Variants in STPG2 observed in about 807,000 individuals in gnomAD.
The protein encoded by STPG2 is sperm-tail PG-rich repeat-containing protein 2.
STPG2 carries 56 observed loss-of-function variants against 54.2 expected under a neutral mutation model. That is an observed-to-expected ratio of 1.03 (90% CI 0.83 to 1.29). The LOEUF is 1.29. STPG2 is among the 50% of genes most tolerant of loss of function. The probability of loss-of-function intolerance (pLI) is 0.00; values close to 1 mark genes in which losing one functional copy is unlikely to be tolerated. For missense variants in STPG2, 596 were observed against 544.9 expected (o/e 1.09, Z -0.93); for synonymous variants, 200 against 181.8 (o/e 1.10, Z -0.81).
At chr4:98,129,537 G>T (rs1024701760) in intron 2 of STPG2, among the ~76,000 whole-genome samples, 1 of 151,944 alleles carries the variant, frequency 6.6e-6, no homozygotes, top group Non-Finnish European at 1.5e-5. Context: ...AATACCAAAA[G>T]AAGCTATACA....
chr4:97,849,748 A>G (rs1729090623), intron 8 of STPG2, among the ~76,000 whole-genome samples: 1 of 151,164 alleles, frequency 6.6e-6, no homozygotes, highest in Non-Finnish European at 1.5e-5. Flanking sequence ...TTAGAATGGC[A>G]AGCATTAAAA....
At chr4:98,118,358 T>G (rs28852677) in intron 3 of STPG2, among the ~76,000 whole-genome samples, 60,018 of 151,880 alleles carry the variant, frequency 0.4, 12,097 homozygotes, top group Middle Eastern at 0.46. Flanking sequence ...CTCTTTTTTT[T>G]GCAGTGATAG....
downstream of STPG2, among the ~76,000 whole-genome samples, chr4:97,555,632 A>G (rs1367502925): frequency 6.6e-6 from 1 of 152,170 alleles, no homozygotes. Flanking sequence ...TTGTGCTACC[A>G]TAAGAGTAAG....
intron 10 of STPG2, among the ~76,000 whole-genome samples, chr4:97,654,828 A>G (rs1303111878): frequency 1.3e-5 from 2 of 152,070 alleles, no homozygotes; most frequent in Admixed American, 6.6e-5. Flanking sequence ...AACAATAATC[A>G]AATGATGTGG....
chr4:97,705,001 T>C (rs1723895846), intron 10 of STPG2, among the ~76,000 whole-genome samples: 1 of 152,194 alleles, frequency 6.6e-6, no homozygotes, highest in African/African-American at 2.4e-5. Flanking sequence ...GCTTGATTTG[T>C]ATTAATATAT....
chr4:97,854,119 C>T (rs1429097676), intron 8 of STPG2, among the ~76,000 whole-genome samples: 1 of 152,128 alleles, frequency 6.6e-6, no homozygotes, highest in Non-Finnish European at 1.5e-5. Context: ...AGCCACTATT[C>T]TTAAATGATA....
chr4:98,082,191 C>G (rs1244545772), intron 5 of STPG2, among the ~76,000 whole-genome samples: 1 of 151,986 alleles, frequency 6.6e-6, no homozygotes, highest in East Asian at 1.9e-4. Flanking sequence ...AAACCACTTC[C>G]TACATTAAGA....
At chr4:97,489,201 C>T (rs1730444477) in intron 4 of STPG2, among the ~76,000 whole-genome samples, 2 of 151,844 alleles carry the variant, frequency 1.3e-5, no homozygotes, top group African/African-American at 2.4e-5. Flanking sequence ...TGTGAGGCCT[C>T]CACACCCATT....
intron 9 of STPG2, among the ~76,000 whole-genome samples, chr4:97,761,321 A>T (rs1338399911): frequency 2.6e-5 from 4 of 152,158 alleles, no homozygotes; most frequent in Admixed American, 2.6e-4. Flanking sequence ...ATAAAAGAAG[A>T]CACAGAGAAA....
intron 5 of STPG2, among the ~76,000 whole-genome samples, chr4:98,076,783 A>G (rs546154295): frequency 6.6e-6 from 1 of 152,184 alleles, no homozygotes; most frequent in Non-Finnish European, 1.5e-5. Context: ...CAACTTCACT[A>G]TATGTTTAAA....
intron 10 of STPG2, among the ~76,000 whole-genome samples, chr4:97,623,154 T>TA (rs1169986030): frequency 3.9e-5 from 6 of 151,940 alleles, no homozygotes; most frequent in Admixed American, 3.9e-4. Flanking sequence ...CCTAAAACTA[T>TA]AAAAACTCTG....
At chr4:97,645,962 AAC>A (rs1029382611) in intron 10 of STPG2, among the ~76,000 whole-genome samples, 5 of 152,072 alleles carry the variant, frequency 3.3e-5, no homozygotes, top group African/African-American at 1.2e-4. Context: ...CTCTGACACA[AAC>A]ACACTCCTTG....
intron 8 of STPG2, among the ~76,000 whole-genome samples, chr4:97,885,169 C>T (rs942441939): frequency 6.8e-6 from 1 of 147,820 alleles, no homozygotes; most frequent in Non-Finnish European, 1.5e-5. Flanking sequence ...TTAGAAGACT[C>T]CAGTCAGTGA....
At chr4:97,688,328 T>G (rs1021882369) in intron 10 of STPG2, among the ~76,000 whole-genome samples, 3 of 152,084 alleles carry the variant, frequency 2.0e-5, no homozygotes, top group Non-Finnish European at 2.9e-5. Context: ...AAGAAAACAA[T>G]TCAGAGTTTT....
At chr4:98,114,655 C>T (rs1468164101) in intron 3 of STPG2, among the ~76,000 whole-genome samples, 2 of 151,770 alleles carry the variant, frequency 1.3e-5, no homozygotes, top group Admixed American at 6.6e-5. Context: ...TTTTATGATT[C>T]AATTGTTTCA....
intron 8 of STPG2, among the ~76,000 whole-genome samples, chr4:97,898,673 C>A (rs1731053040): frequency 6.6e-6 from 1 of 151,404 alleles, no homozygotes; most frequent in Admixed American, 6.6e-5. Context: ...CACTGCCTAC[C>A]ATATAATTTA....
chr4:98,024,332 T>C (rs2149294405), intron 5 of STPG2, among the ~76,000 whole-genome samples: 2 of 152,346 alleles, frequency 1.3e-5, no homozygotes, highest in Admixed American at 1.3e-4. Context: ...CTGCTGATTA[T>C]CAAATGTTTT....
intron 1 of STPG2, among the ~76,000 whole-genome samples, chr4:98,138,356 A>G (rs1386345504): frequency 6.6e-6 from 1 of 152,090 alleles, no homozygotes; most frequent in African/African-American, 2.4e-5. Context: ...GAAGAAATTA[A>G]GTGTATAGAA....
At chr4:97,849,404 G>A (rs575009924) in intron 8 of STPG2, among the ~76,000 whole-genome samples, 416 of 151,990 alleles carry the variant, frequency 2.7e-3, no homozygotes, top group African/African-American at 9.5e-3. Context: ...GGCAACAAAA[G>A]CCAAAATTGA....
Sources: gnomAD v4.1 joint callset for allele counts (sites outside exome capture counted in the v4.1 genomes callset) on GRCh38, gnomAD v4.1.1 for gene constraint, MANE v1.5 for transcripts, NCBI Gene and HGNC (gene_info 2026-07-23, HGNC 2026-07-21) for gene names.